Variants in RASA3 observed in about 807,000 individuals in gnomAD.
The protein encoded by RASA3 is RAS p21 protein activator 3.
In RASA3, 73 loss-of-function variants were observed where a neutral mutation model predicts 110.0. The ratio of observed to expected loss-of-function variants is 0.66; its 90% CI spans 0.55 to 0.81. RASA3 has a LOEUF of 0.81. Ranked by LOEUF, RASA3 falls within the 30% of genes least tolerant of loss-of-function variation. The pLI is 0.00. For synonymous variants in RASA3, 500 were observed against 451.4 expected, an observed-to-expected ratio of 1.11 and a Z score of -1.37; for missense variants, 976 against 1,113.2, an observed-to-expected ratio of 0.88 and a Z score of 1.75.
chr13:114,033,130 C>T (rs1187127240), intron 4 of RASA3, among the ~76,000 whole-genome samples: 4 of 100,716 alleles, frequency 4.0e-5, no homozygotes, highest in Non-Finnish European at 2.0e-5. Flanking sequence ...TCCACGGAAC[C>T]CCCGCACTGA....
At position 113,981,717 on chromosome 13, in the gene RASA3, T is replaced by C; in HGVS notation, c.2387A>G (p.Gln796Arg). 3.1e-6 allele frequency: 5 copies of C among 1,614,082 alleles called. No individual in the cohort carries two copies. Among genetic ancestry groups the C allele is most frequent in the Non-Finnish European group, 4.2e-6 (5 of 1,179,984 alleles). Residue 796 changes from glutamine (Q) to arginine (R), a missense_variant, in exon 23 of 24, where the codon CAG becomes CGG. Coordinates refer to ENST00000334062, the MANE Select transcript of RASA3 (RefSeq NM_007368.4). ...GVGALEQEHA[Q>R]YKRDKFKKTK... is the part of the protein sequence containing the mutation. ...CTTCTTGAACTTGTCCCTCTTATACTGGGCGTGCTCCTGCTCCAAAGCCCC... is the reference window on the plus strand; with the variant it reads ...CTTCTTGAACTTGTCCCTCTTATACCGGGCGTGCTCCTGCTCCAAAGCCCC...
chr13:114,049,248 C>T (rs965146001), intron 3 of RASA3, among the ~76,000 whole-genome samples: 1 of 152,156 alleles, frequency 6.6e-6, no homozygotes, highest in African/African-American at 2.4e-5. Flanking sequence ...CACCCAGAAA[C>T]GCATTCCCCA....
At chr13:113,980,556 G>A (rs745715684) in intron 23 of RASA3, among the ~76,000 whole-genome samples, 7 of 152,364 alleles carry the variant, frequency 4.6e-5, no homozygotes, top group South Asian at 2.1e-4. Context: ...ATCATGCTTC[G>A]CGCATTTTCA....
chr13:114,020,683 A>C (rs1287866865), intron 9 of RASA3, among the ~76,000 whole-genome samples: 1 of 152,184 alleles, frequency 6.6e-6, no homozygotes, highest in African/African-American at 2.4e-5. Context: ...CCTTCCACCA[A>C]AACACCAAGC....
At chr13:114,106,121 G>A (rs1340378923) in intron 1 of RASA3, among the ~76,000 whole-genome samples, 5 of 152,206 alleles carry the variant, frequency 3.3e-5, no homozygotes, top group African/African-American at 7.2e-5. Flanking sequence ...ATGGCAGAGC[G>A]GCACACGGCC....
rs2080254792 is a variant in RASA3 at position 114,114,523 on chromosome 13, G to C, written c.55+17912C>G. ...GACCACAAAAGCTACCCATTCACTT[G>C]CTAAATGGTGCAAAATGGGCCCAGA... On this transcript the variant is annotated intron_variant, in intron 1 of 23. Coordinates refer to ENST00000334062, the MANE Select transcript of RASA3 (RefSeq NM_007368.4). This position sits in a 1 kb window ranked among gnomAD's most constrained non-coding sequence, Gnocchi z 4.8. 6.6e-6 allele frequency among the ~76,000 whole-genome samples: 1 copy of C among 152,280 alleles called. No individual in the cohort carries two copies. Among genetic ancestry groups the C allele is most frequent in the Admixed American group, 6.5e-5 (1 of 15,290 alleles).
intron 1 of RASA3, among the ~76,000 whole-genome samples, chr13:114,079,872 A>G (rs2079753459): frequency 6.6e-6 from 1 of 150,544 alleles, no homozygotes; most frequent in African/African-American, 2.5e-5. Context: ...GAGGCTGCAC[A>G]TCTCGGTGGG....
At chr13:114,123,768 G>A (rs1052752529) in intron 1 of RASA3, among the ~76,000 whole-genome samples, 7 of 152,304 alleles carry the variant, frequency 4.6e-5, no homozygotes, top group South Asian at 2.1e-4. Context: ...TGGGAGCCAC[G>A]GCCCCCATGC....
chr13:114,058,878 G>A (rs188281062), intron 2 of RASA3, among the ~76,000 whole-genome samples: 12 of 152,254 alleles, frequency 7.9e-5, no homozygotes, highest in Admixed American at 4.6e-4. Flanking sequence ...AGCCTTTTTC[G>A]AAGAACTTCC....
chr13:114,076,511 G>A (rs771919454), intron 1 of RASA3, among the ~76,000 whole-genome samples: 4 of 151,156 alleles, frequency 2.6e-5, no homozygotes, highest in Admixed American at 2.0e-4. Context: ...CACACACGCA[G>A]CGCACACACG....
intron 2 of RASA3, among the ~76,000 whole-genome samples, chr13:114,066,411 G>A (rs946661401): frequency 2.6e-5 from 4 of 152,294 alleles, no homozygotes; most frequent in Middle Eastern, 3.4e-3. Context: ...AGCGGGAGGC[G>A]GCCGGGCGAG....
chr13:114,018,831 C>T lies in RASA3; in HGVS notation c.874G>A (p.Asp292Asn). 2 of 1,613,878 alleles carry T rather than the reference C, an allele frequency of 1.2e-6. No individual in the cohort carries two copies. The highest frequency in any genetic ancestry group is 1.3e-5 in the African/African-American group (1 of 75,080). Residue 292 changes from aspartate (D) to asparagine (N), a missense_variant, in exon 10 of 24, where the codon GAC becomes AAC. Physicochemically the swap from Asp to Asn is conservative, Grantham distance 23 (BLOSUM62 1). This residue lies in a region of RASA3 where 732 missense variants were observed against 779.7 expected (regional missense o/e 0.94). Transcript: ENST00000334062. ...SLRLNVVYTE[D>N]HVFSSDYYSP... ...TAATAGTCAGAAGAAAACACGTGGTCTTCCGTGTATACCACGTTCAGCCGC... is the reference window on the plus strand; with the variant it reads ...TAATAGTCAGAAGAAAACACGTGGTTTTCCGTGTATACCACGTTCAGCCGC...
chr13:114,015,770 G>T (rs1021353679), intron 13 of RASA3, among the ~76,000 whole-genome samples: 2 of 152,244 alleles, frequency 1.3e-5, no homozygotes, highest in Non-Finnish European at 2.9e-5. Context: ...ACAGCCTGGG[G>T]AGGCAGGGAG....
chr13:113,996,016 G>A (rs1051242492), intron 21 of RASA3, among the ~76,000 whole-genome samples: 2 of 108,054 alleles, frequency 1.9e-5, no homozygotes, highest in Non-Finnish European at 3.8e-5. Flanking sequence ...CCCGGCTGAT[G>A]GGGGACCCGG....
intron 1 of RASA3, among the ~76,000 whole-genome samples, chr13:114,083,343 G>C (rs117883783): frequency 0.014 from 2,163 of 152,342 alleles, 139 homozygotes; most frequent in Admixed American, 0.1. Flanking sequence ...GGCCCATCCT[G>C]ATTTCTGTGG....
chr13:113,981,539 G>A (rs540715833), intron 23 of RASA3, 136 bp downstream of exon 23: 6 of 959,600 alleles, frequency 6.3e-6, no homozygotes, highest in East Asian at 2.4e-5. Flanking sequence ...CCAGCCCGGT[G>A]CAAGTGGGAC....
In RASA3 at chr13:114,014,073, CGTCT is replaced by C. The variant is rs1485673191; in HGVS notation, c.1406-829_1406-826del. Among the ~76,000 whole-genome samples the C allele has an allele frequency of 5.7e-5, 8 of 139,868 alleles. No individual in the cohort carries two copies. In the East Asian group the frequency reaches 9.1e-4, roughly 16 times the overall value. 91.8% of individuals were successfully genotyped at this position (139,868 alleles called of 152,430 possible). A position where few individuals can be genotyped will look rare whatever the true frequency, so the allele number is the denominator to read the frequency against. On this transcript the variant is annotated intron_variant, in intron 14 of 23. Transcript: ENST00000334062. The surrounding 1 kb of genome is among the most constrained non-coding windows in gnomAD (Gnocchi z 4.5). ...CTCCGTCTGTCTCTGCCTCTCTCTC[CGTCT>C]GTCTCTGCCTCTCTCTCCGTCTCTC...
chr13:114,026,290 A>C (rs540546722), intron 7 of RASA3, among the ~76,000 whole-genome samples: 5 of 152,074 alleles, frequency 3.3e-5, no homozygotes, highest in African/African-American at 1.2e-4. Context: ...GCCACCTGGA[A>C]CTCGGTCCAT....
chr13:113,979,318 C>G lies in RASA3; in HGVS notation c.*29G>C. ...GCTGCGGCTTTGCATGGGCAGCTTG[C>G]TGGCGCCACTGGGCGCGTCCCGCAG... is the stretch of plus-strand genomic sequence containing the variant. On this transcript the variant is annotated 3_prime_UTR_variant, in exon 24 of 24. Coordinates refer to ENST00000334062, the MANE Select transcript of RASA3 (RefSeq NM_007368.4). 1 of 1,542,182 alleles carries G rather than the reference C, an allele frequency of 6.5e-7. No individual in the cohort carries two copies. The highest frequency in any genetic ancestry group is 9.0e-7 in the Non-Finnish European group (1 of 1,115,050).
Sources: allele counts gnomAD v4.1 joint callset (sites outside exome capture counted in the v4.1 genomes callset), GRCh38; gene constraint gnomAD v4.1.1; regional missense constraint gnomAD v4.1.1; non-coding constraint Gnocchi (gnomAD v3.1); transcripts MANE v1.5; gene names NCBI Gene and HGNC (gene_info 2026-07-23, HGNC 2026-07-21).